Variants in GPC6 observed in about 807,000 individuals in gnomAD.
The protein encoded by GPC6 is glypican-6.
In GPC6, 14 loss-of-function variants were observed where a neutral mutation model predicts 55.2. The observed-to-expected ratio is 0.25, with a 90% CI of 0.17 to 0.40. GPC6 has a LOEUF of 0.40. GPC6 is among the 10% of genes least tolerant of loss of function. GPC6 has a pLI of 1.00. For missense variants in GPC6, 641 were observed against 708.5 expected (o/e 0.90, Z 1.08); for synonymous variants, 278 against 259.6 (o/e 1.07, Z -0.68).
At chr13:94,130,358 C>T (rs908930174) in intron 4 of GPC6, among the ~76,000 whole-genome samples, 32 of 151,988 alleles carry the variant, frequency 2.1e-4, no homozygotes, top group African/African-American at 6.5e-4. Context: ...ATTTTATACT[C>T]TTAAGTCTCT....
intron 1 of GPC6, among the ~76,000 whole-genome samples, chr13:93,263,979 G>A (rs1441354244): frequency 1.3e-5 from 2 of 152,078 alleles, no homozygotes; most frequent in Non-Finnish European, 2.9e-5. Context: ...CACCTCCAGG[G>A]GCCTGTTTAC....
At chr13:94,050,309 G>C (rs1883896938) in intron 4 of GPC6, among the ~76,000 whole-genome samples, 1 of 152,018 alleles carries the variant, frequency 6.6e-6, no homozygotes, top group Non-Finnish European at 1.5e-5. Flanking sequence ...TCTGTATTGT[G>C]GATTTAATAA....
In GPC6 at chr13:94,406,840, G is replaced by A. The variant is rs577207799; in HGVS notation, c.*3623G>A. On this transcript the variant is annotated 3_prime_UTR_variant, in exon 9 of 9. Transcript: ENST00000377047. ...TCAAATGATTTGATTAAACCTAGAC[G>A]CATTAGGAAATGCAAGTTTTACCTA... is the stretch of plus-strand genomic sequence containing the variant. 1.9e-4 allele frequency: 29 copies of A among 152,100 alleles called. No individual in the cohort carries two copies. Among genetic ancestry groups the A allele is most frequent in the Non-Finnish European group, 3.7e-4 (25 of 67,932 alleles). 9.4% of individuals were successfully genotyped at this position (152,100 alleles called of 1,614,324 possible).
Position 93,231,396 on chromosome 13 carries a change from T to C in GPC6, c.160+3780T>C, listed in dbSNP as rs867859193. Among the ~76,000 whole-genome samples, 105 of 26,986 alleles carry C rather than the reference T, an allele frequency of 3.9e-3. 1 individual carries two copies. Among genetic ancestry groups the C allele is most frequent in the Non-Finnish European group, 4.6e-3 (71 of 15,588 alleles). The allele number at this position is 26,986 out of a possible 152,430, so 17.7% of individuals were successfully genotyped here. A position where few individuals can be genotyped will look rare whatever the true frequency, so the allele number is the denominator to read the frequency against. On this transcript the variant is annotated intron_variant, in intron 1 of 8. Coordinates refer to ENST00000377047, the MANE Select transcript of GPC6 (RefSeq NM_005708.5). ...ATATATATACATATATATATATATA[T>C]GTATATATATATATATATATATATA...
At chr13:93,423,049 A>ACC (rs113052284) in intron 1 of GPC6, among the ~76,000 whole-genome samples, 27 of 147,988 alleles carry the variant, frequency 1.8e-4, no homozygotes, top group South Asian at 1.1e-3. Context: ...TGGTGGTCAC[A>ACC]CCCCACCAGC....
At chr13:93,641,668 C>T (rs769449545) in intron 2 of GPC6, among the ~76,000 whole-genome samples, 107 of 152,192 alleles carry the variant, frequency 7.0e-4, no homozygotes, top group Middle Eastern at 3.4e-3. Flanking sequence ...CAAATTGAAT[C>T]AAGTCCCATG....
intron 1 of GPC6, among the ~76,000 whole-genome samples, chr13:93,458,629 G>C (rs1353137934): frequency 6.6e-6 from 1 of 152,050 alleles, no homozygotes; most frequent in Non-Finnish European, 1.5e-5. Flanking sequence ...ATATTTGGTC[G>C]CTGTTAAAGT....
chr13:93,437,431 T>C (rs1877614460), intron 1 of GPC6, among the ~76,000 whole-genome samples: 1 of 152,194 alleles, frequency 6.6e-6, no homozygotes, highest in Non-Finnish European at 1.5e-5. Context: ...GGAAAAGTTT[T>C]TGAAGGAAAT....
intron 4 of GPC6, among the ~76,000 whole-genome samples, chr13:94,269,181 G>A (rs917436663): frequency 2.0e-5 from 3 of 152,132 alleles, no homozygotes; most frequent in African/African-American, 4.8e-5. Flanking sequence ...CCACACGTTC[G>A]CTTTTGAATC....
chr13:93,401,590 A>G (rs1876080034), intron 1 of GPC6, among the ~76,000 whole-genome samples: 1 of 151,764 alleles, frequency 6.6e-6, no homozygotes. Context: ...GTGATTAGAA[A>G]CCAGGGAGGA....
chr13:94,143,526 G>C (rs1887456185), intron 4 of GPC6, among the ~76,000 whole-genome samples: 2 of 152,014 alleles, frequency 1.3e-5, no homozygotes, highest in African/African-American at 2.4e-5. Context: ...TATTAACTTT[G>C]TATTATGAAA....
chr13:93,802,566 G>A (rs1412237651), intron 2 of GPC6, among the ~76,000 whole-genome samples: 1 of 151,924 alleles, frequency 6.6e-6, no homozygotes, highest in African/African-American at 2.4e-5. Flanking sequence ...TCCTGGCTAA[G>A]GTGTTTGTTT....
intron 1 of GPC6, among the ~76,000 whole-genome samples, chr13:93,341,944 T>C (rs893811714): frequency 6.6e-6 from 1 of 150,430 alleles, no homozygotes; most frequent in African/African-American, 2.4e-5. Context: ...TAAGATGGAG[T>C]CTCACTCGGT....
intron 2 of GPC6, among the ~76,000 whole-genome samples, chr13:93,710,311 T>C (rs1163446317): frequency 6.6e-6 from 1 of 151,860 alleles, no homozygotes; most frequent in African/African-American, 2.4e-5. Flanking sequence ...ATATCTGTCA[T>C]TTAAAAGGTA....
chr13:93,895,202 ATG>A (rs572229582), intron 3 of GPC6, among the ~76,000 whole-genome samples: 6 of 121,926 alleles, frequency 4.9e-5, no homozygotes, highest in East Asian at 2.3e-4. Flanking sequence ...GTCCATATAT[ATG>A]TGTGTGTGTG....
chr13:94,014,234 AACC>A (rs370833016), intron 3 of GPC6, among the ~76,000 whole-genome samples: 23 of 152,250 alleles, frequency 1.5e-4, no homozygotes, highest in African/African-American at 5.5e-4. Flanking sequence ...CATCTCCACC[AACC>A]ACCATTAGCA....
intron 2 of GPC6, among the ~76,000 whole-genome samples, chr13:93,745,439 A>G (rs1378955714): frequency 6.6e-6 from 1 of 151,988 alleles, no homozygotes; most frequent in Non-Finnish European, 1.5e-5. Flanking sequence ...CCCTCCTCTC[A>G]TCACCTTGTT....
intron 4 of GPC6, among the ~76,000 whole-genome samples, chr13:94,169,320 G>C: frequency 6.6e-6 from 1 of 152,076 alleles, no homozygotes; most frequent in East Asian, 1.9e-4. Context: ...AATTGATCTT[G>C]GCAGGAAAGA....
chr13:93,908,964 T>G (rs887903234), intron 3 of GPC6, among the ~76,000 whole-genome samples: 1 of 152,168 alleles, frequency 6.6e-6, no homozygotes, highest in Non-Finnish European at 1.5e-5. Flanking sequence ...CTCATCACTC[T>G]CTAACCTCTT....
Sources: gnomAD v4.1 joint callset for allele counts (sites outside exome capture counted in the v4.1 genomes callset) on GRCh38, gnomAD v4.1.1 for gene constraint, MANE v1.5 for transcripts, NCBI Gene and HGNC (gene_info 2026-07-23, HGNC 2026-07-21) for gene names.